ASB11: variants seen among roughly 807,000 people sequenced by gnomAD.
ASB11 encodes the protein ankyrin repeat and SOCS box protein 11.
ASB11 carries 17 observed loss-of-function variants against 20.1 expected under a neutral mutation model. That is an observed-to-expected ratio of 0.85 (90% CI 0.58 to 1.27). The LOEUF is 1.27. Among genes scored for constraint, ASB11 ranks in the 50% most tolerant of loss-of-function variants. The pLI is 0.00. For missense variants in ASB11, 259 were observed against 256.9 expected (o/e 1.01, Z -0.06); for synonymous variants, 107 against 105.6 (o/e 1.01, Z -0.08).
intron 3 of ASB11, among the ~76,000 whole-genome samples, chrX:15,295,047 A>T (rs1389703279): frequency 9.0e-6 from 1 of 111,374 alleles, no homozygotes; most frequent in Non-Finnish European, 1.9e-5. Flanking sequence ...AATTTTTTTT[A>T]ATTTTTTTAT....
intron 1 of ASB11, among the ~76,000 whole-genome samples, chrX:15,313,548 T>C (rs1184412802): frequency 2.7e-5 from 3 of 111,793 alleles, no homozygotes; most frequent in African/African-American, 9.8e-5. Flanking sequence ...CACCATTCCC[T>C]GCCTCTTTAA....
chrX:15,286,920 T>A (rs1927403664), intron 6 of ASB11, among the ~76,000 whole-genome samples: 1 of 111,941 alleles, frequency 8.9e-6, no homozygotes, highest in Non-Finnish European at 1.9e-5. Context: ...TTATCTTTAA[T>A]ATTCTTCAGG....
intron 1 of ASB11, among the ~76,000 whole-genome samples, chrX:15,308,270 G>A (rs1921308674): frequency 8.9e-6 from 1 of 112,235 alleles, no homozygotes; most frequent in African/African-American, 3.2e-5. Context: ...CTCTCCTAGT[G>A]TCTGTCATCA....
chrX:15,299,994 C>G (rs1167364375), intron 2 of ASB11, among the ~76,000 whole-genome samples: 6 of 112,253 alleles, frequency 5.3e-5, no homozygotes, highest in Admixed American at 9.5e-5. Context: ...CTCCTGAATT[C>G]TGTCTATTTT....
At chrX:15,294,736 G>A (rs1261664953) in intron 3 of ASB11, among the ~76,000 whole-genome samples, 1 of 112,021 alleles carries the variant, frequency 8.9e-6, no homozygotes, top group East Asian at 2.8e-4. Context: ...CAAGGTCAGG[G>A]GAAAATGTGT....
chrX:15,304,592 A>T (rs1921174614), intron 1 of ASB11, among the ~76,000 whole-genome samples: 2 of 112,537 alleles, frequency 1.8e-5, no homozygotes, highest in South Asian at 3.6e-4. Context: ...CTTCCAAGAA[A>T]GTAAGAAAGT....
Position 15,315,596 on chromosome X carries a change from C to T in ASB11, c.10G>A (p.Gly4Ser). 8.6e-7 allele frequency: 1 copy of T among 1,166,854 alleles called. No homozygotes were observed. The highest frequency in any genetic ancestry group is 1.1e-6 in the Non-Finnish European group (1 of 876,128). MED[G>S]PVFYGFKNIF... ...TTTTTAAAGCCATAGAAAACAGGACCATCTTCCATTTTGGCTTATGCTCTG... is the reference window on the plus strand; with the variant it reads ...TTTTTAAAGCCATAGAAAACAGGACTATCTTCCATTTTGGCTTATGCTCTG... The change falls in exon 1 of 7, where the codon GGT becomes AGT. Residue 4 changes from glycine (G) to serine (S), a missense_variant. Coordinates refer to ENST00000480796, the MANE Select transcript of ASB11 (RefSeq NM_080873.3).
intron 3 of ASB11, among the ~76,000 whole-genome samples, chrX:15,294,209 G>A (rs1164598747): frequency 9.0e-6 from 1 of 111,401 alleles, no homozygotes. Context: ...AAAGAACATC[G>A]GGAACCGCAG....
chrX:15,314,286 A>T (rs1288264382), intron 1 of ASB11: 5 of 1,051,288 alleles, frequency 4.8e-6, no homozygotes, highest in Non-Finnish European at 6.1e-6. Flanking sequence ...TTAGAAGATA[A>T]CTTTTCAGAT....
intron 1 of ASB11, among the ~76,000 whole-genome samples, chrX:15,308,843 G>A (rs993342750): frequency 9.0e-6 from 1 of 111,682 alleles, no homozygotes; most frequent in Non-Finnish European, 1.9e-5. Context: ...CCTAACCCCT[G>A]GGCCATTCCG....
chrX:15,313,220 G>A (rs1921493311), intron 1 of ASB11, among the ~76,000 whole-genome samples: 2 of 110,908 alleles, frequency 1.8e-5, no homozygotes, highest in African/African-American at 3.3e-5. Flanking sequence ...CCAACATAGC[G>A]AAACCCCATC....
chrX:15,289,505 T>C lies in ASB11; in HGVS notation c.654A>G (p.Leu218=). 5.0e-6 allele frequency: 6 copies of C among 1,190,348 alleles called. No homozygotes were observed. Among genetic ancestry groups the C allele is most frequent in the Non-Finnish European group, 6.8e-6 (6 of 886,101 alleles). The change falls in exon 5 of 7, where the codon TTA becomes TTG. Residue 218 remains leucine (L), a splice_region_variant and synonymous_variant. Transcript: ENST00000480796. ...CATGAAAATAATTTTGGAAATTACC[T>C]AATTCTAGAAGTTTCTTCACACAGT... The part of the protein sequence containing the change: ...RVDCVKKLLE[L]GASVDHGQWL...
chrX:15,283,368 C>G lies in ASB11; in HGVS notation c.*137G>C, dbSNP rs1178592278. ...AGTTTCCACTCCTCAAGTGTTCTAG[C>G]TCATGGGGGATTTACTTCGACTGAG... On this transcript the variant is annotated 3_prime_UTR_variant, in exon 7 of 7. Coordinates refer to ENST00000480796, the MANE Select transcript of ASB11 (RefSeq NM_080873.3). 4.5e-6 allele frequency: 4 copies of G among 881,482 alleles called. No homozygotes were observed. The highest frequency in any genetic ancestry group is 3.2e-6 in the Non-Finnish European group (2 of 621,379). The allele number at this position is 881,482 out of a possible 1,213,427, so 72.6% of individuals were successfully genotyped here.
chrX:15,299,838 C>T (rs1446444215), intron 2 of ASB11, among the ~76,000 whole-genome samples: 2 of 111,338 alleles, frequency 1.8e-5, no homozygotes, highest in African/African-American at 6.5e-5. Context: ...CAACTGAAAG[C>T]TTCCAAAACC....
chrX:15,302,408 T>C (rs1472730314), intron 2 of ASB11, among the ~76,000 whole-genome samples: 1 of 112,430 alleles, frequency 8.9e-6, no homozygotes, highest in Non-Finnish European at 1.9e-5. Flanking sequence ...CTGGTGCTAA[T>C]GCATGCTGGA....
chrX:15,314,544 GTCT>G, intron 1 of ASB11: 1 of 1,130,958 alleles, frequency 8.8e-7, no homozygotes, highest in Non-Finnish European at 1.2e-6. Context: ...GTTGTCTAGT[GTCT>G]TCTGAGTTGT....
chrX:15,291,714 A>T (rs190882079), intron 4 of ASB11, among the ~76,000 whole-genome samples: 4 of 86,668 alleles, frequency 4.6e-5, no homozygotes, highest in Admixed American at 3.8e-4. Context: ...CTCAAAAAAT[A>T]AAAAAAAAAT....
chrX:15,315,297 G>T (rs1921576543), intron 1 of ASB11, 128 bp downstream of exon 1: 3 of 561,244 alleles, frequency 5.3e-6, no homozygotes, highest in East Asian at 4.2e-5. Flanking sequence ...TACTTTAAGT[G>T]ACAATTTTTC....
intron 1 of ASB11, among the ~76,000 whole-genome samples, chrX:15,313,380 CAG>C (rs1921499941): frequency 9.1e-6 from 1 of 109,996 alleles, no homozygotes; most frequent in South Asian, 3.9e-4. Flanking sequence ...GCCTGGGTGA[CAG>C]AGCAAGAATC....
Sources: allele counts gnomAD v4.1 joint callset (sites outside exome capture counted in the v4.1 genomes callset), GRCh38; gene constraint gnomAD v4.1.1; transcripts MANE v1.5; gene names NCBI Gene and HGNC (gene_info 2026-07-23, HGNC 2026-07-21).